The following ARHGAP5 variants were observed in gnomAD, a reference collection of about 807,000 sequenced individuals.
ARHGAP5 encodes Rho GTPase activating protein 5.
Under a neutral mutation model 116.6 loss-of-function variants are expected in ARHGAP5, and 23 were observed. The ratio of observed to expected loss-of-function variants is 0.20; its 90% CI spans 0.14 to 0.28. ARHGAP5 has a LOEUF of 0.28. Among genes scored for constraint, ARHGAP5 ranks in the 10% least tolerant of loss-of-function variants. The pLI is 1.00. For missense variants in ARHGAP5, 1,405 were observed against 1,774.8 expected (o/e 0.79, Z 3.74); for synonymous variants, 574 against 602.0 (o/e 0.95, Z 0.68).
Position 32,154,621 on chromosome 14 carries a change from G to C in ARHGAP5, c.4182G>C (p.Arg1394Ser). ...ATGTTTTTTCCTTTCATAATTTCAG[G>C]GTTAGTCAGCAACATAAAATCAACC... ...VFRYVITHLN[R>S]VSQQHKINLM... is the part of the protein sequence containing the mutation. The change falls in exon 7 of 7, where the codon AGG becomes AGC. Residue 1394 changes from arginine to serine, a missense_variant and splice_region_variant. Physicochemically the swap from Arg to Ser is moderately radical, Grantham distance 110. Transcript: ENST00000345122. 6.3e-7 allele frequency: 1 copy of C among 1,598,710 alleles called. No individual in the cohort carries two copies. Among genetic ancestry groups the C allele is most frequent in the African/African-American group, 1.3e-5 (1 of 74,360 alleles).
intron 1 of ARHGAP5, among the ~76,000 whole-genome samples, chr14:32,079,715 T>C (rs1021077555): frequency 6.6e-6 from 1 of 152,210 alleles, no homozygotes; most frequent in African/African-American, 2.4e-5. Flanking sequence ...AGATGAGTGT[T>C]GGCCTTTAGT....
At chr14:32,140,984 T>C (rs1212508039) in intron 3 of ARHGAP5, among the ~76,000 whole-genome samples, 1 of 152,228 alleles carries the variant, frequency 6.6e-6, no homozygotes, top group African/African-American at 2.4e-5. Context: ...CTTATGTATT[T>C]TGGACTCTTG....
intron 3 of ARHGAP5, among the ~76,000 whole-genome samples, chr14:32,134,313 A>G (rs1880672463): frequency 6.6e-6 from 1 of 152,198 alleles, no homozygotes; most frequent in African/African-American, 2.4e-5. Context: ...TGAATTTATC[A>G]TAATATATGT....
chr14:32,114,134 A>G (rs994390331), intron 2 of ARHGAP5, among the ~76,000 whole-genome samples: 2 of 152,074 alleles, frequency 1.3e-5, no homozygotes, highest in Non-Finnish European at 2.9e-5. Flanking sequence ...AGGCTGAGGC[A>G]GGAGAATGGC....
At position 32,077,379 on chromosome 14, in the gene ARHGAP5, C is replaced by T. The variant is rs769124325; in HGVS notation, c.-225C>T. The T allele has an allele frequency of 2.9e-6, 2 of 700,166 alleles. No individual in the cohort carries two copies. The highest frequency in any genetic ancestry group is 3.0e-5 in the South Asian group (2 of 67,400). The allele number at this position is 700,166 out of a possible 1,614,324, so 43.4% of individuals were successfully genotyped here. A position where few individuals can be genotyped will look rare whatever the true frequency, so the allele number is the denominator to read the frequency against. Reference sequence around the variant, plus strand: ...CGGTCCCCAGGAATGTCGCTGCCGCCGCCACCGCCGGGGCCGCTGCCGTTG... The same window carrying T: ...CGGTCCCCAGGAATGTCGCTGCCGCTGCCACCGCCGGGGCCGCTGCCGTTG... On this transcript the variant is annotated 5_prime_UTR_variant, in exon 1 of 7. Transcript: ENST00000345122.
intron 1 of ARHGAP5, among the ~76,000 whole-genome samples, chr14:32,080,616 C>A (rs925433784): frequency 6.6e-6 from 1 of 152,014 alleles, no homozygotes. Context: ...TATAATAGCT[C>A]AAGCTGTATA....
chr14:32,110,690 G>A (rs1879248800), intron 2 of ARHGAP5, among the ~76,000 whole-genome samples: 2 of 152,194 alleles, frequency 1.3e-5, no homozygotes, highest in Admixed American at 6.5e-5. Flanking sequence ...TGTAGGGAAT[G>A]ATGGTAGAAG....
intron 3 of ARHGAP5, among the ~76,000 whole-genome samples, chr14:32,121,025 T>TA (rs1879862558): frequency 1.4e-5 from 2 of 146,260 alleles, no homozygotes; most frequent in African/African-American, 5.1e-5. Flanking sequence ...TTTTTTTTTT[T>TA]TTTTTTTTGG....
At chr14:32,139,341 G>A (rs1196201816) in intron 3 of ARHGAP5, among the ~76,000 whole-genome samples, 2 of 151,686 alleles carry the variant, frequency 1.3e-5, no homozygotes, top group African/African-American at 4.8e-5. Flanking sequence ...ATCTTGTATT[G>A]GGCTTTTTTG....
chr14:32,088,297 C>T (rs17098505), intron 1 of ARHGAP5, among the ~76,000 whole-genome samples: 2,428 of 151,736 alleles, frequency 0.016, 58 homozygotes, highest in African/African-American at 0.056. Flanking sequence ...AAAAATTCCC[C>T]GAAGTAATCA....
intron 3 of ARHGAP5, among the ~76,000 whole-genome samples, chr14:32,143,233 G>GTTATTATTATTA (rs1182495202): frequency 6.7e-5 from 10 of 149,320 alleles, no homozygotes; most frequent in African/African-American, 2.5e-4. Flanking sequence ...TGTTGTTGTT[G>GTTATTATTATTA]TTGTTGTTAT....
intron 1 of ARHGAP5, among the ~76,000 whole-genome samples, chr14:32,077,924 T>C (rs1375368571): frequency 6.6e-6 from 1 of 152,086 alleles, no homozygotes; most frequent in Non-Finnish European, 1.5e-5. Flanking sequence ...AAACGCCTTG[T>C]AGGGGGGATC....
At chr14:32,081,594 A>T (rs1479898647) in intron 1 of ARHGAP5, among the ~76,000 whole-genome samples, 1 of 150,896 alleles carries the variant, frequency 6.6e-6, no homozygotes, top group African/African-American at 2.4e-5. Flanking sequence ...TCAGTTTTGT[A>T]CCTTATGAGC....
intron 3 of ARHGAP5, among the ~76,000 whole-genome samples, chr14:32,125,750 G>A (rs932160636): frequency 2.6e-5 from 4 of 152,172 alleles, no homozygotes; most frequent in Non-Finnish European, 4.4e-5. Flanking sequence ...GCAATATTAA[G>A]TCTTCGAATC....
rs183781993 is a variant in ARHGAP5 at position 32,101,163 on chromosome 14, G to A, written c.3717+6777G>A. ...TACCAACTTGTATTCCTTCTAATCA[G>A]TGTTTTTTCTTTGTATTTTACTGCT... On this transcript the variant is annotated intron_variant, in intron 2 of 6. Transcript: ENST00000345122. 3.2e-4 allele frequency among the ~76,000 whole-genome samples: 48 copies of A among 151,976 alleles called. No individual in the cohort carries two copies. In the East Asian group the frequency reaches 8.7e-3, roughly 28 times the overall value.
chr14:32,153,878 C>T (rs1594402184), intron 6 of ARHGAP5: 1 of 143,842 alleles, frequency 7.0e-6, no homozygotes, highest in African/African-American at 2.6e-5. Flanking sequence ...CATAGTGAGA[C>T]TTGATTCTCA....
chr14:32,131,173 C>T (rs556750554), intron 3 of ARHGAP5, among the ~76,000 whole-genome samples: 12 of 151,590 alleles, frequency 7.9e-5, no homozygotes, highest in Admixed American at 2.0e-4. Context: ...GTTGTCTCAA[C>T]GGTGTCCTCT....
At chr14:32,151,164 T>C (rs1186906235) in intron 5 of ARHGAP5, among the ~76,000 whole-genome samples, 1 of 152,224 alleles carries the variant, frequency 6.6e-6, no homozygotes, top group Non-Finnish European at 1.5e-5. Context: ...TAGATGTTCT[T>C]ATCTATTGAC....
intron 3 of ARHGAP5, among the ~76,000 whole-genome samples, chr14:32,128,703 C>T (rs185009590): frequency 1.4e-4 from 22 of 152,346 alleles, no homozygotes; most frequent in Admixed American, 3.3e-4. Flanking sequence ...CCCTTGCATT[C>T]CTGGAATAAA....
Sources: gnomAD v4.1 joint callset for allele counts (sites outside exome capture counted in the v4.1 genomes callset) on GRCh38, gnomAD v4.1.1 for gene constraint, MANE v1.5 for transcripts, NCBI Gene and HGNC (gene_info 2026-07-23, HGNC 2026-07-21) for gene names.